Variants in AK8 observed in about 807,000 individuals in gnomAD.
AK8 encodes adenylate kinase 8.
In AK8, 44 loss-of-function variants were observed where a neutral mutation model predicts 54.6. That is an observed-to-expected ratio of 0.81 (90% CI 0.63 to 1.04). The LOEUF (loss-of-function observed/expected upper bound fraction) is 1.04. Ranked by LOEUF, AK8 falls within the 50% of genes least tolerant of loss-of-function variation. The pLI, the probability that AK8 is intolerant of heterozygous loss-of-function variation, is 0.00. For synonymous variants in AK8, 239 were observed against 245.6 expected, an observed-to-expected ratio of 0.97 and a Z score of 0.25; for missense variants, 555 against 613.6, an observed-to-expected ratio of 0.90 and a Z score of 1.01.
At chr9:132,839,783 G>T (rs1842460361) in intron 5 of AK8, among the ~76,000 whole-genome samples, 1 of 133,958 alleles carries the variant, frequency 7.5e-6, no homozygotes, top group African/African-American at 2.8e-5. Flanking sequence ...CAGAATACCT[G>T]AAACTGTGTA....
chr9:132,814,735 AGAGGG>A lies in AK8; in HGVS notation c.890-13_890-9del. The A allele has an allele frequency of 6.2e-7, 1 of 1,612,552 alleles. No individual in the cohort carries two copies. The highest frequency in any genetic ancestry group is 8.5e-7 in the Non-Finnish European group (1 of 1,179,206). On this transcript the variant is annotated splice_polypyrimidine_tract_variant and intron_variant, in intron 9 of 12. Coordinates refer to ENST00000298545, the MANE Select transcript of AK8 (RefSeq NM_152572.3). ...GCAGTTGCCCACAGCAGACTGAAGG[AGAGGG>A]GAACAGAAAGACACCCATTAAATTT... is the stretch of plus-strand genomic sequence containing the variant.
intron 3 of AK8, among the ~76,000 whole-genome samples, chr9:132,864,446 C>A (rs1460734875): frequency 6.6e-6 from 1 of 152,198 alleles, no homozygotes; most frequent in Non-Finnish European, 1.5e-5. Flanking sequence ...TGTGGCCTCA[C>A]TGAGCCCTCA....
At chr9:132,735,527 C>A (rs1195422045) in intron 11 of AK8, among the ~76,000 whole-genome samples, 22 of 152,100 alleles carry the variant, frequency 1.4e-4, no homozygotes, top group Admixed American at 1.4e-3. Context: ...TACTACTTCA[C>A]ACTCAGTAGA....
At chr9:132,849,484 A>G (rs1335990094) in intron 5 of AK8, among the ~76,000 whole-genome samples, 3 of 152,188 alleles carry the variant, frequency 2.0e-5, no homozygotes, top group African/African-American at 7.2e-5. Flanking sequence ...CATCCTTTTC[A>G]GAAAACATGT....
intron 3 of AK8, among the ~76,000 whole-genome samples, chr9:132,864,613 C>T (rs1277370372): frequency 6.6e-6 from 1 of 152,208 alleles, no homozygotes; most frequent in Non-Finnish European, 1.5e-5. Flanking sequence ...GACTGTACAT[C>T]ATATCATCAG....
At chr9:132,789,212 G>A (rs545052269) in intron 11 of AK8, among the ~76,000 whole-genome samples, 165 of 152,036 alleles carry the variant, frequency 1.1e-3, no homozygotes, top group Middle Eastern at 6.8e-3. Context: ...GGAGAATGGC[G>A]TGAACCCGGG....
rs1415771283 is a variant in AK8, at chr9:132,826,210, C to T, written c.757+644G>A. Among the ~76,000 whole-genome samples, 2 of 152,172 alleles carry T rather than the reference C, an allele frequency of 1.3e-5. No homozygotes were observed. The highest frequency in any genetic ancestry group is 2.9e-5 in the Non-Finnish European group (2 of 68,038). Reference sequence around the variant, plus strand: ...TATTTTAGCGATGCCAAAACTAGGGCTCCGAGGAGTTAGGAGAAGTGCCAG... The same window carrying T: ...TATTTTAGCGATGCCAAAACTAGGGTTCCGAGGAGTTAGGAGAAGTGCCAG... On this transcript the variant is annotated intron_variant, in intron 8 of 12. Coordinates refer to ENST00000298545, the MANE Select transcript of AK8 (RefSeq NM_152572.3). This position sits in a 1 kb window ranked among gnomAD's most constrained non-coding sequence, Gnocchi z 4.5.
chr9:132,853,558 G>A (rs1843053602), intron 5 of AK8, among the ~76,000 whole-genome samples: 1 of 151,900 alleles, frequency 6.6e-6, no homozygotes, highest in African/African-American at 2.4e-5. Context: ...CACATTGGGA[G>A]GCCAAGGCAG....
At chr9:132,863,282 T>C (rs1375410225) in intron 4 of AK8, among the ~76,000 whole-genome samples, 1 of 152,230 alleles carries the variant, frequency 6.6e-6, no homozygotes, top group Non-Finnish European at 1.5e-5. Context: ...TTTCAACTGC[T>C]GGCGCAGCCC....
intron 11 of AK8, among the ~76,000 whole-genome samples, chr9:132,745,000 G>A (rs934042481): frequency 1.3e-5 from 2 of 152,164 alleles, no homozygotes; most frequent in Non-Finnish European, 2.9e-5. Flanking sequence ...ACGGGTCCGG[G>A]CTGCTGACAG....
At chr9:132,831,608 GC>G (rs1368047281) in intron 5 of AK8, among the ~76,000 whole-genome samples, 1 of 152,200 alleles carries the variant, frequency 6.6e-6, no homozygotes, top group Admixed American at 6.5e-5. Context: ...TTGCTGTAGA[GC>G]CCTCCCTCTC....
chr9:132,867,559 A>G (rs1843653823), intron 2 of AK8, among the ~76,000 whole-genome samples: 1 of 152,230 alleles, frequency 6.6e-6, no homozygotes, highest in Non-Finnish European at 1.5e-5. Flanking sequence ...GCTACTGACA[A>G]GAGTGTGATA....
chr9:132,737,416 C>T (rs2130961036), intron 11 of AK8, among the ~76,000 whole-genome samples: 1 of 152,246 alleles, frequency 6.6e-6, no homozygotes, highest in African/African-American at 2.4e-5. Context: ...ATACCAAAAA[C>T]CAGACAAAGA....
chr9:132,869,891 G>T (rs1448584056), intron 2 of AK8, among the ~76,000 whole-genome samples: 1 of 151,986 alleles, frequency 6.6e-6, no homozygotes, highest in Non-Finnish European at 1.5e-5. Flanking sequence ...GAGAGCGCCT[G>T]CTTGGCCAAA....
intron 11 of AK8, among the ~76,000 whole-genome samples, chr9:132,761,819 TC>T (rs1289586163): frequency 1.3e-5 from 2 of 151,486 alleles, no homozygotes; most frequent in African/African-American, 4.9e-5. Flanking sequence ...TCCTTCTCTC[TC>T]TCTCCCTCTC....
At chr9:132,849,810 C>T (rs1228708473) in intron 5 of AK8, among the ~76,000 whole-genome samples, 2 of 149,616 alleles carry the variant, frequency 1.3e-5, no homozygotes, top group Non-Finnish European at 3.0e-5. Context: ...TGCCGTGGTG[C>T]GTGTCGGCTC....
intron 4 of AK8, among the ~76,000 whole-genome samples, chr9:132,858,371 C>T (rs1397183401): frequency 6.6e-6 from 1 of 152,244 alleles, no homozygotes; most frequent in African/African-American, 2.4e-5. Context: ...CACTTGACTT[C>T]TCCCCAGTGG....
intron 5 of AK8, among the ~76,000 whole-genome samples, chr9:132,829,956 C>G (rs1178365129): frequency 6.6e-6 from 1 of 152,154 alleles, no homozygotes; most frequent in Non-Finnish European, 1.5e-5. Flanking sequence ...TCACTGGTAA[C>G]ACCTCAGACC....
intron 5 of AK8, among the ~76,000 whole-genome samples, chr9:132,836,257 T>G (rs939633838): frequency 6.6e-6 from 1 of 152,174 alleles, no homozygotes; most frequent in Non-Finnish European, 1.5e-5. Context: ...CCACTGCACT[T>G]CAGCCTGGGT....
Sources: gnomAD v4.1 joint callset for allele counts (sites outside exome capture counted in the v4.1 genomes callset) on GRCh38, gnomAD v4.1.1 for gene constraint, Gnocchi (gnomAD v3.1) non-coding constraint, MANE v1.5 for transcripts, NCBI Gene and HGNC (gene_info 2026-07-23, HGNC 2026-07-21) for gene names.